The following SEMA5A variants were observed in gnomAD, a reference collection of about 807,000 sequenced individuals.
SEMA5A encodes the protein semaphorin 5A.
SEMA5A carries 55 observed loss-of-function variants against 135.5 expected under a neutral mutation model. The observed-to-expected ratio is 0.41, with a 90% CI of 0.33 to 0.51. The LOEUF (loss-of-function observed/expected upper bound fraction) is 0.51, where lower values mean the gene tolerates loss of function less well. SEMA5A is among the 20% of genes least tolerant of loss of function. The pLI, the probability that SEMA5A is intolerant of heterozygous loss-of-function variation, is 0.37. For synonymous variants in SEMA5A, 580 were observed against 546.5 expected (o/e 1.06, Z -0.85); for missense variants, 1,290 against 1,419.9 (o/e 0.91, Z 1.47).
At chr5:9,519,051 T>A (rs1333496379) in intron 1 of SEMA5A, among the ~76,000 whole-genome samples, 1 of 152,234 alleles carries the variant, frequency 6.6e-6, no homozygotes, top group Non-Finnish European at 1.5e-5. Flanking sequence ...AGCTCCACTC[T>A]TCCCAGCATA....
At chr5:9,520,990 G>A (rs1434826339) in intron 1 of SEMA5A, among the ~76,000 whole-genome samples, 3 of 152,324 alleles carry the variant, frequency 2.0e-5, no homozygotes, top group East Asian at 1.9e-4. Flanking sequence ...CATCAGTGTC[G>A]CACATTAGCT....
At chr5:9,514,927 G>T (rs1029659854) in intron 1 of SEMA5A, among the ~76,000 whole-genome samples, 1 of 152,184 alleles carries the variant, frequency 6.6e-6, no homozygotes, top group African/African-American at 2.4e-5. Flanking sequence ...ATAAAAAATT[G>T]TGGGGTGGGA....
Position 9,054,218 on chromosome 5 carries a change from C to T in SEMA5A, c.2558G>A (p.Cys853Tyr). The change falls in exon 19 of 23, where the codon TGT becomes TAT. Residue 853 changes from cysteine (C) to tyrosine (Y), a missense_variant. This residue lies in a region of SEMA5A where 1,029 missense variants were observed against 1,086.6 expected (regional missense o/e 0.95). Coordinates refer to ENST00000382496, the MANE Select transcript of SEMA5A (RefSeq NM_003966.3). ...GTGTCCACCGCCGCATGTTGCTGAA[C>T]ATTTTGTCCAGGGGGACCAGCAAGA... ...VWSCWSPWTK[C>Y]SATCGGGHYM... The T allele has an allele frequency of 6.2e-7, 1 of 1,613,960 alleles. No homozygotes were observed.
intron 5 of SEMA5A, among the ~76,000 whole-genome samples, chr5:9,291,545 C>T (rs4620000): frequency 0.96 from 145,363 of 151,826 alleles, 69,889 homozygotes; most frequent in Non-Finnish European, 1. Context: ...ACATGGTGGG[C>T]AAAATGACAA....
intron 2 of SEMA5A, among the ~76,000 whole-genome samples, chr5:9,397,420 C>G (rs948879573): frequency 6.6e-6 from 1 of 152,200 alleles, no homozygotes; most frequent in African/African-American, 2.4e-5. Context: ...TAGCACCTTT[C>G]TCATATGGTT....
chr5:9,531,925 A>G (rs1737463257), intron 1 of SEMA5A, among the ~76,000 whole-genome samples: 1 of 152,170 alleles, frequency 6.6e-6, no homozygotes, highest in African/African-American at 2.4e-5. Context: ...GCCCCTCTCT[A>G]AGAAGATAAT....
At chr5:9,045,344 A>G (rs1298883690) in intron 21 of SEMA5A, among the ~76,000 whole-genome samples, 1 of 152,198 alleles carries the variant, frequency 6.6e-6, no homozygotes, top group African/African-American at 2.4e-5. Flanking sequence ...TTTCTAATCT[A>G]CTGCTCGCCT....
At chr5:9,451,570 T>A (rs1758646299) in intron 1 of SEMA5A, among the ~76,000 whole-genome samples, 1 of 152,220 alleles carries the variant, frequency 6.6e-6, no homozygotes, top group African/African-American at 2.4e-5. Context: ...CAAAGGCTTC[T>A]AAGGTAAACC....
intron 8 of SEMA5A, 22 bp from the exon 9 acceptor site, chr5:9,202,262 G>GA (rs1426036018): frequency 3.7e-6 from 6 of 1,601,854 alleles, no homozygotes; most frequent in Admixed American, 3.4e-5. Context: ...AGAAAAGAGG[G>GA]AAAAAATCTC....
intron 11 of SEMA5A, among the ~76,000 whole-genome samples, chr5:9,167,833 C>G (rs1264937149): frequency 6.6e-6 from 1 of 152,146 alleles, no homozygotes; most frequent in Admixed American, 6.5e-5. Context: ...TTATTCATGA[C>G]CACCGTCATG....
intron 1 of SEMA5A, among the ~76,000 whole-genome samples, chr5:9,481,577 A>T (rs1759877500): frequency 6.6e-6 from 1 of 151,984 alleles, no homozygotes; most frequent in African/African-American, 2.4e-5. Context: ...GCTGTTAGAG[A>T]TTTTCTTTTT....
Position 9,044,400 on chromosome 5 carries a change from G to C in SEMA5A, c.3078C>G (p.Asp1026Glu). Residue 1026 changes from aspartate (D) to glutamate (E), a missense_variant, in exon 22 of 23, where the codon GAC (aspartate) becomes GAG (glutamate). Coordinates refer to ENST00000382496, the MANE Select transcript of SEMA5A (RefSeq NM_003966.3). Reference sequence around the variant, plus strand: ...TGATGGCCTCCACCGAGTCGTACTTGTCCAGTTTGTTGATGTGGTTGGTTA... The same window carrying C: ...TGATGGCCTCCACCGAGTCGTACTTCTCCAGTTTGTTGATGTGGTTGGTTA... ...TSITNHINKL[D>E]KYDSVEAIKA... 1.9e-6 allele frequency: 3 copies of C among 1,613,660 alleles called. No homozygotes were observed. The highest frequency in any genetic ancestry group is 2.5e-6 in the Non-Finnish European group (3 of 1,179,894).
At chr5:9,508,225 C>A (rs2126837963) in intron 1 of SEMA5A, among the ~76,000 whole-genome samples, 1 of 152,188 alleles carries the variant, frequency 6.6e-6, no homozygotes, top group South Asian at 2.1e-4. Context: ...CACTAGAGCA[C>A]CTGTTCTATG....
intron 8 of SEMA5A, among the ~76,000 whole-genome samples, chr5:9,215,262 T>C (rs1194684860): frequency 6.6e-6 from 1 of 152,194 alleles, no homozygotes; most frequent in African/African-American, 2.4e-5. Flanking sequence ...GCATTAAGAT[T>C]GTCAGCAGAA....
chr5:9,481,198 T>C (rs1444301451), intron 1 of SEMA5A, among the ~76,000 whole-genome samples: 5 of 152,178 alleles, frequency 3.3e-5, no homozygotes, highest in Non-Finnish European at 7.3e-5. Flanking sequence ...CTGCCCACTT[T>C]GGCCTCCAAA....
intron 5 of SEMA5A, among the ~76,000 whole-genome samples, chr5:9,250,988 G>GT (rs1340389369): frequency 6.6e-6 from 1 of 152,168 alleles, no homozygotes; most frequent in Admixed American, 6.6e-5. Context: ...AATTGCTGTT[G>GT]TAAGTATTAA....
At chr5:9,221,904 G>A (rs1747022401) in intron 8 of SEMA5A, among the ~76,000 whole-genome samples, 2 of 152,118 alleles carry the variant, frequency 1.3e-5, no homozygotes, top group African/African-American at 4.8e-5. Context: ...CAAGGGGAGA[G>A]GACAGGAACT....
At chr5:9,347,145 T>C (rs994753638) in intron 3 of SEMA5A, among the ~76,000 whole-genome samples, 4 of 152,182 alleles carry the variant, frequency 2.6e-5, no homozygotes, top group Non-Finnish European at 5.9e-5. Context: ...TAAAGCATCT[T>C]TCATTTGCAT....
At chr5:9,465,261 T>G (rs1163710815) in intron 1 of SEMA5A, among the ~76,000 whole-genome samples, 1 of 152,222 alleles carries the variant, frequency 6.6e-6, no homozygotes, top group Non-Finnish European at 1.5e-5. Flanking sequence ...TTTCCGTAAT[T>G]TTCAAGTTGA....
Sources: allele counts gnomAD v4.1 joint callset (sites outside exome capture counted in the v4.1 genomes callset), GRCh38; gene constraint gnomAD v4.1.1; regional missense constraint gnomAD v4.1.1; transcripts MANE v1.5; gene names NCBI Gene and HGNC (gene_info 2026-07-23, HGNC 2026-07-21).